SDCCAG8: variants seen among roughly 807,000 people sequenced by gnomAD.
The protein encoded by SDCCAG8 is serologically defined colon cancer antigen 8.
Under a neutral mutation model 101.8 loss-of-function variants are expected in SDCCAG8, and 74 were observed. The ratio of observed to expected loss-of-function variants is 0.73; its 90% CI spans 0.60 to 0.88. SDCCAG8 has a LOEUF of 0.88. Among genes scored for constraint, SDCCAG8 ranks in the 40% least tolerant of loss-of-function variants. SDCCAG8 has a pLI of 0.00. For missense variants in SDCCAG8, 787 were observed against 822.6 expected, an observed-to-expected ratio of 0.96 and a Z score of 0.53; for synonymous variants, 281 against 292.9, an observed-to-expected ratio of 0.96 and a Z score of 0.41.
chr1:243,342,349 A>G (rs1484256855), intron 11 of SDCCAG8, among the ~76,000 whole-genome samples: 1 of 152,234 alleles, frequency 6.6e-6, no homozygotes, highest in African/African-American at 2.4e-5. Flanking sequence ...ATCGCCTTGA[A>G]GTTGCTTCCA....
intron 16 of SDCCAG8, among the ~76,000 whole-genome samples, chr1:243,431,291 A>G (rs2081747125): frequency 6.6e-6 from 1 of 152,204 alleles, no homozygotes; most frequent in South Asian, 2.1e-4. Flanking sequence ...GGTGACAGAA[A>G]TAAACACTGG....
Position 243,474,777 on chromosome 1 carries a change from G to T in SDCCAG8, c.1986-14237G>T, listed in dbSNP as rs1347947768. ...GCTCGGCTAGATGCGCTCCTCCTCG[G>T]ACTGGTTGAGTAAGGGAGGAGGCTC... is the stretch of plus-strand genomic sequence containing the variant. On this transcript the variant is annotated intron_variant, in intron 16 of 17. Transcript: ENST00000366541. This position sits in a 1 kb window ranked among gnomAD's most constrained non-coding sequence, Gnocchi z 4.7. 6.6e-6 allele frequency among the ~76,000 whole-genome samples: 1 copy of T among 152,242 alleles called. No homozygotes were observed. Among genetic ancestry groups the T allele is most frequent in the Non-Finnish European group, 1.5e-5 (1 of 68,042 alleles).
In SDCCAG8 at chr1:243,439,665, C is replaced by CACACACAT. The variant is rs1160954571; in HGVS notation, c.1985+13108_1985+13109insCACACATA. On this transcript the variant is annotated intron_variant, in intron 16 of 17. Coordinates refer to ENST00000366541, the MANE Select transcript of SDCCAG8 (RefSeq NM_006642.5). ...ACACACACACACACACACACACACA[C>CACACACAT]ATCATTGGAGCTATTCTGTAGAGAT... 7.9e-5 allele frequency among the ~76,000 whole-genome samples: 12 copies of CACACACAT among 151,422 alleles called. No homozygotes were observed. The East Asian group carries it at 2.0e-3, about 25-fold the overall frequency.
chr1:243,265,777 CA>C (rs1418663307), intron 1 of SDCCAG8, among the ~76,000 whole-genome samples: 11 of 151,824 alleles, frequency 7.2e-5, no homozygotes, highest in East Asian at 1.9e-4. Context: ...CGCACCATTG[CA>C]CTCCAGCCTG....
intron 16 of SDCCAG8, among the ~76,000 whole-genome samples, chr1:243,444,149 C>T (rs1199073588): frequency 2.0e-5 from 3 of 151,964 alleles, no homozygotes; most frequent in African/African-American, 7.3e-5. Flanking sequence ...TTTTGTGGCA[C>T]AGAAGGTAAT....
chr1:243,470,620 G>T (rs1263962492), intron 16 of SDCCAG8, among the ~76,000 whole-genome samples: 1 of 151,984 alleles, frequency 6.6e-6, no homozygotes, highest in Non-Finnish European at 1.5e-5. Context: ...AAAAAGCCCT[G>T]TGTCGGTGCC....
intron 16 of SDCCAG8, among the ~76,000 whole-genome samples, chr1:243,448,848 T>G (rs1574102360): frequency 6.6e-6 from 1 of 152,360 alleles, no homozygotes; most frequent in East Asian, 1.9e-4. Context: ...GAATTTGTAG[T>G]CCTTTTTATC....
chr1:243,422,707 A>C (rs1197763750), intron 15 of SDCCAG8, among the ~76,000 whole-genome samples: 3 of 152,234 alleles, frequency 2.0e-5, no homozygotes, highest in Non-Finnish European at 4.4e-5. Flanking sequence ...GGCCTCTGCT[A>C]ATTGTTACCA....
intron 13 of SDCCAG8, among the ~76,000 whole-genome samples, chr1:243,385,260 C>T (rs1045332289): frequency 3.9e-5 from 6 of 152,064 alleles, no homozygotes; most frequent in South Asian, 4.2e-4. Flanking sequence ...CATGGTGGTG[C>T]GCGCCTATAG....
chr1:243,278,454 C>A (rs1179935221), intron 4 of SDCCAG8, among the ~76,000 whole-genome samples: 1 of 152,140 alleles, frequency 6.6e-6, no homozygotes, highest in African/African-American at 2.4e-5. Flanking sequence ...CTCCTGAACT[C>A]GTGATCCACC....
intron 16 of SDCCAG8, among the ~76,000 whole-genome samples, chr1:243,461,060 TAATGAAGCCTGATAGC>T (rs1659011349): frequency 6.6e-6 from 1 of 152,224 alleles, no homozygotes; most frequent in Admixed American, 6.5e-5. Context: ...CCTTGATACA[TAATGAAGCCTGATAGC>T]AAAACTTTTG....
chr1:243,366,444 A>C (rs1015173575), intron 12 of SDCCAG8, among the ~76,000 whole-genome samples: 1 of 152,004 alleles, frequency 6.6e-6, no homozygotes, highest in Non-Finnish European at 1.5e-5. Flanking sequence ...TATAATTTCA[A>C]TGCAATTACT....
intron 16 of SDCCAG8, among the ~76,000 whole-genome samples, chr1:243,470,478 T>TA (rs1661021258): frequency 6.6e-6 from 1 of 152,008 alleles, no homozygotes; most frequent in South Asian, 2.1e-4. Context: ...TTTTTTCCTT[T>TA]TCCTTTTTTT....
intron 8 of SDCCAG8, among the ~76,000 whole-genome samples, chr1:243,309,499 T>A (rs6429422): frequency 5.3e-5 from 8 of 152,014 alleles, no homozygotes; most frequent in African/African-American, 7.3e-5. Context: ...TCACTCAGGT[T>A]GGGGGTGAGT....
rs568054965 is a variant in SDCCAG8 at position 243,280,478 on chromosome 1, T to C, written c.421-5794T>C. Among the ~76,000 whole-genome samples the C allele has an allele frequency of 3.8e-4, 58 of 152,300 alleles. 3 individuals are homozygous for C. The South Asian group carries it at 0.012, about 32-fold the overall frequency. ...TTATTATATGTTCTTTTCTGCTTAC[T>C]CTGGAATTAATTTGCTATTGGTTTT... On this transcript the variant is annotated intron_variant, in intron 4 of 17. Transcript: ENST00000366541.
At chr1:243,260,333 C>T (rs2067107313) in intron 1 of SDCCAG8, among the ~76,000 whole-genome samples, 1 of 152,134 alleles carries the variant, frequency 6.6e-6, no homozygotes, top group South Asian at 2.1e-4. Flanking sequence ...GTTAGGTGTT[C>T]ATTTACTCTA....
At chr1:243,384,985 G>C (rs1573716987) in intron 13 of SDCCAG8, among the ~76,000 whole-genome samples, 1 of 152,060 alleles carries the variant, frequency 6.6e-6, no homozygotes, top group African/African-American at 2.4e-5. Context: ...GTTCTACATG[G>C]AGCATTTTCT....
At chr1:243,498,907 G>C (rs550803401) in intron 17 of SDCCAG8, among the ~76,000 whole-genome samples, 2 of 152,358 alleles carry the variant, frequency 1.3e-5, no homozygotes, top group African/African-American at 4.8e-5. Flanking sequence ...TAGAAACCGG[G>C]ATTTGGAAAA....
At chr1:243,381,790 G>A (rs1291918538) in intron 13 of SDCCAG8, among the ~76,000 whole-genome samples, 1 of 152,174 alleles carries the variant, frequency 6.6e-6, no homozygotes, top group Non-Finnish European at 1.5e-5. Context: ...AGCTACATCT[G>A]TATATGCAAA....
Sources: allele counts gnomAD v4.1 joint callset (sites outside exome capture counted in the v4.1 genomes callset), GRCh38; gene constraint gnomAD v4.1.1; non-coding constraint Gnocchi (gnomAD v3.1); transcripts MANE v1.5; gene names NCBI Gene and HGNC (gene_info 2026-07-23, HGNC 2026-07-21).